Variants in KHDRBS3 observed in about 807,000 individuals in gnomAD.
KHDRBS3 encodes KH RNA binding domain containing, signal transduction associated 3, also known as KH domain-containing, RNA-binding, signal transduction-associated protein 3.
A neutral mutation model predicts 45.6 loss-of-function variants in KHDRBS3; 23 were observed. The ratio of observed to expected loss-of-function variants is 0.50; its 90% CI spans 0.36 to 0.72. The LOEUF is 0.72. Among genes scored for constraint, KHDRBS3 ranks in the 30% least tolerant of loss-of-function variants. KHDRBS3 has a pLI of 0.00. For synonymous variants in KHDRBS3, 162 were observed against 156.5 expected (o/e 1.04, Z -0.26); for missense variants, 352 against 424.8 (o/e 0.83, Z 1.51).
intron 7 of KHDRBS3, among the ~76,000 whole-genome samples, chr8:135,641,767 T>C (rs1411940723): frequency 6.6e-6 from 1 of 152,214 alleles, no homozygotes; most frequent in African/African-American, 2.4e-5. Context: ...CAGACATTTT[T>C]GTCAAAAGCT....
chr8:135,510,925 C>G (rs1261780421), intron 1 of KHDRBS3, among the ~76,000 whole-genome samples: 1 of 152,194 alleles, frequency 6.6e-6, no homozygotes, highest in Non-Finnish European at 1.5e-5. Flanking sequence ...CCTTTTTTAA[C>G]AGTATAAATA....
At chr8:135,630,987 G>A (rs1302929258) in intron 7 of KHDRBS3, among the ~76,000 whole-genome samples, 12 of 152,206 alleles carry the variant, frequency 7.9e-5, no homozygotes, top group African/African-American at 2.9e-4. Context: ...GGTGGCTCAC[G>A]CCTGTAATCC....
chr8:135,498,358 T>G (rs544053938), intron 1 of KHDRBS3, among the ~76,000 whole-genome samples: 1 of 147,074 alleles, frequency 6.8e-6, no homozygotes, highest in Non-Finnish European at 1.6e-5. Flanking sequence ...CAGAATGATC[T>G]TTTATCAACC....
chr8:135,596,581 TA>T (rs560448136), intron 6 of KHDRBS3, among the ~76,000 whole-genome samples: 18 of 151,530 alleles, frequency 1.2e-4, no homozygotes, highest in African/African-American at 3.6e-4. Context: ...TGATATTCAA[TA>T]AAAAAAATTA....
chr8:135,550,355 A>T (rs551095971), intron 4 of KHDRBS3, among the ~76,000 whole-genome samples: 2 of 152,286 alleles, frequency 1.3e-5, no homozygotes, highest in Non-Finnish European at 2.9e-5. Flanking sequence ...GTTTTATTTT[A>T]AAAATTTTTC....
chr8:135,537,005 T>C lies in KHDRBS3; in HGVS notation c.208-5649T>C, dbSNP rs923242182. Among the ~76,000 whole-genome samples, 20 of 112,870 alleles carry C rather than the reference T, an allele frequency of 1.8e-4. 1 individual carries two copies. The highest frequency in any genetic ancestry group is 6.2e-4 in the African/African-American group (17 of 27,570). 74.0% of individuals were successfully genotyped at this position (112,870 alleles called of 152,430 possible). A position where few individuals can be genotyped will look rare whatever the true frequency, so the allele number is the denominator to read the frequency against. On this transcript the variant is annotated intron_variant, in intron 2 of 8. Coordinates refer to ENST00000355849, the MANE Select transcript of KHDRBS3 (RefSeq NM_006558.3). ...AAAAAAAAAAAAAAAAAAGGAGATGTTTAGGAGGTAAAATCATTAACATAT... is the reference window on the plus strand; with the variant it reads ...AAAAAAAAAAAAAAAAAAGGAGATGCTTAGGAGGTAAAATCATTAACATAT...
rs546516899 is a variant in KHDRBS3, at chr8:135,504,331, G to A, written c.89-16906G>A. Among the ~76,000 whole-genome samples the A allele has an allele frequency of 5.3e-5, 8 of 152,200 alleles. No individual in the cohort carries two copies. In the South Asian group the frequency reaches 1.5e-3, roughly 28 times the overall value. On this transcript the variant is annotated intron_variant, in intron 1 of 8. Coordinates refer to ENST00000355849, the MANE Select transcript of KHDRBS3 (RefSeq NM_006558.3). ...AGGTGACAAAATAGCTCGTTTAAAC[G>A]GTCACTTAGGGCTATTTTTGCATTT...
chr8:135,563,511 C>T (rs1407281654), intron 5 of KHDRBS3, among the ~76,000 whole-genome samples: 1 of 152,154 alleles, frequency 6.6e-6, no homozygotes, highest in Non-Finnish European at 1.5e-5. Flanking sequence ...ATTGGTCAAG[C>T]CAATTTACCT....
At chr8:135,493,551 G>A (rs1823265629) in intron 1 of KHDRBS3, among the ~76,000 whole-genome samples, 1 of 152,116 alleles carries the variant, frequency 6.6e-6, no homozygotes, top group African/African-American at 2.4e-5. Context: ...TTCAGTTGAT[G>A]ATATAGTTTT....
At chr8:135,642,211 C>T (rs74813376) in intron 7 of KHDRBS3, among the ~76,000 whole-genome samples, 1,616 of 152,280 alleles carry the variant, frequency 0.011, 26 homozygotes, top group African/African-American at 0.035. Flanking sequence ...GGTGTCCACC[C>T]GTGGTGAGCA....
intron 1 of KHDRBS3, among the ~76,000 whole-genome samples, chr8:135,495,503 A>G (rs565830969): frequency 6.6e-6 from 1 of 152,212 alleles, no homozygotes. Flanking sequence ...AGAATTAATT[A>G]TATCAGGCAG....
intron 6 of KHDRBS3, among the ~76,000 whole-genome samples, chr8:135,594,981 A>G (rs147697983): frequency 3.0e-4 from 45 of 152,368 alleles, no homozygotes; most frequent in African/African-American, 1.1e-3. Flanking sequence ...CAATAGTAGA[A>G]TGGATGAACA....
At chr8:135,613,045 AT>A (rs1170239006) in intron 7 of KHDRBS3, among the ~76,000 whole-genome samples, 1 of 151,766 alleles carries the variant, frequency 6.6e-6, no homozygotes, top group South Asian at 2.1e-4. Context: ...ATACTCACTT[AT>A]GGGTAAGCAA....
At chr8:135,651,189 C>T (rs536885771), downstream of KHDRBS3, among the ~76,000 whole-genome samples, 3 of 152,046 alleles carry the variant, frequency 2.0e-5, no homozygotes, top group East Asian at 1.9e-4. Flanking sequence ...TCCATACTTC[C>T]GCTCTGCCCT....
intron 7 of KHDRBS3, among the ~76,000 whole-genome samples, chr8:135,607,417 T>TCTATTCATAGAACATA (rs1248111405): frequency 6.6e-6 from 1 of 152,348 alleles, no homozygotes; most frequent in South Asian, 2.1e-4. Context: ...TCAAAAGTTT[T>TCTATTCATAGAACATA]GTTTCCTATT....
At chr8:135,645,153 G>A in intron 8 of KHDRBS3, 36 bp downstream of exon 8, 1 of 1,605,576 alleles carries the variant, frequency 6.2e-7, no homozygotes, top group African/African-American at 1.3e-5. Context: ...AGAGAGGGAG[G>A]AGAGATGGCC....
intron 4 of KHDRBS3, among the ~76,000 whole-genome samples, chr8:135,552,080 T>G (rs1313733850): frequency 1.3e-5 from 2 of 152,200 alleles, no homozygotes; most frequent in African/African-American, 4.8e-5. Context: ...CTGTCAAGAT[T>G]TTTTCTGCCT....
intron 5 of KHDRBS3, among the ~76,000 whole-genome samples, chr8:135,577,124 A>G (rs1472921339): frequency 2.7e-5 from 4 of 150,326 alleles, no homozygotes; most frequent in Non-Finnish European, 5.9e-5. Flanking sequence ...TTTTCCCTTT[A>G]GTCTAACAGA....
At position 135,567,915 on chromosome 8, in the gene KHDRBS3, G is replaced by A. The variant is rs562904084; in HGVS notation, c.611+10328G>A. On this transcript the variant is annotated intron_variant, in intron 5 of 8. Coordinates refer to ENST00000355849, the MANE Select transcript of KHDRBS3 (RefSeq NM_006558.3). The stretch of plus-strand genomic sequence containing the variant: ...TGAAGGGTAGCACATAGAAAAGAAA[G>A]CTTTAGAATCAGACCTAAATTCAAG... 4.6e-5 allele frequency among the ~76,000 whole-genome samples: 7 copies of A among 152,316 alleles called. No individual in the cohort carries two copies. In the South Asian group the frequency reaches 1.5e-3, roughly 32 times the overall value.
Sources: allele counts gnomAD v4.1 joint callset (sites outside exome capture counted in the v4.1 genomes callset), GRCh38; gene constraint gnomAD v4.1.1; transcripts MANE v1.5; gene names NCBI Gene and HGNC (gene_info 2026-07-23, HGNC 2026-07-21).